Variants in CNBD1 observed in about 807,000 individuals in gnomAD.
The protein encoded by CNBD1 is cyclic nucleotide binding domain containing 1.
CNBD1 carries 71 observed loss-of-function variants against 54.4 expected under a neutral mutation model. The observed-to-expected ratio is 1.30, with a 90% CI of 1.08 to 1.59. CNBD1 has a LOEUF of 1.59. Ranked by LOEUF, CNBD1 falls within the 40% of genes most tolerant of loss-of-function variation. The probability of loss-of-function intolerance (pLI) is 0.00; values close to 1 mark genes in which losing one functional copy is unlikely to be tolerated. For missense variants in CNBD1, 659 were observed against 518.0 expected (o/e 1.27, Z -2.64); for synonymous variants, 182 against 170.7 (o/e 1.07, Z -0.51).
intron 6 of CNBD1, among the ~76,000 whole-genome samples, chr8:87,270,683 C>A (rs1216452970): frequency 1.3e-5 from 2 of 151,680 alleles, no homozygotes; most frequent in Admixed American, 1.3e-4. Context: ...CCTGTAGTTT[C>A]TTTATTTTTA....
At chr8:87,126,893 A>G (rs1179794879) in intron 4 of CNBD1, among the ~76,000 whole-genome samples, 2 of 151,900 alleles carry the variant, frequency 1.3e-5, no homozygotes, top group African/African-American at 4.8e-5. Flanking sequence ...TTGAAAAACT[A>G]TTATTTTCTC....
chr8:87,206,090 A>C lies in CNBD1; in HGVS notation c.529A>C (p.Thr177Pro). 6.2e-7 allele frequency: 1 copy of C among 1,604,190 alleles called. No homozygotes were observed. The highest frequency in any genetic ancestry group is 8.5e-7 in the Non-Finnish European group (1 of 1,175,418). ...TFQLNDKHLK[T>P]LSKTVFSETW... ...TCAGCTAAATGATAAGCATCTGAAAACACTTAGTAAGACTGTCTTTTCCGA... is the reference window on the plus strand; with the variant it reads ...TCAGCTAAATGATAAGCATCTGAAACCACTTAGTAAGACTGTCTTTTCCGA... The change falls in exon 5 of 11, where the codon ACA becomes CCA. Residue 177 changes from threonine (T) to proline (P), a missense_variant. By Grantham distance (38) the Thr-to-Pro change is conservative. Transcript: ENST00000518476.
chr8:86,892,150 A>C (rs766799400), intron 2 of CNBD1, among the ~76,000 whole-genome samples: 11 of 151,982 alleles, frequency 7.2e-5, no homozygotes, highest in Non-Finnish European at 1.6e-4. Context: ...CTTAGATGAA[A>C]AATTTTCAAC....
At chr8:87,277,397 T>C (rs969431553) in intron 6 of CNBD1, among the ~76,000 whole-genome samples, 1 of 151,744 alleles carries the variant, frequency 6.6e-6, no homozygotes, top group East Asian at 1.9e-4. Context: ...TCTTTACCAA[T>C]TTAAATCAGA....
At chr8:86,920,585 A>G (rs952768602) in intron 3 of CNBD1, among the ~76,000 whole-genome samples, 3 of 152,068 alleles carry the variant, frequency 2.0e-5, no homozygotes, top group Non-Finnish European at 4.4e-5. Flanking sequence ...TCCACTGGCT[A>G]CTCTCTAATA....
chr8:87,080,144 T>C (rs1022741354), intron 4 of CNBD1, among the ~76,000 whole-genome samples: 1 of 152,248 alleles, frequency 6.6e-6, no homozygotes, highest in Admixed American at 6.5e-5. Context: ...ACTTCATTTA[T>C]GTGTGTATCT....
Position 87,166,490 on chromosome 8 carries a change from A to G in CNBD1, c.432-39503A>G, listed in dbSNP as rs1413894771. Among the ~76,000 whole-genome samples, 2 of 151,864 alleles carry G rather than the reference A, an allele frequency of 1.3e-5. No individual in the cohort carries two copies. Among genetic ancestry groups the G allele is most frequent in the African/African-American group, 4.8e-5 (2 of 41,388 alleles). On this transcript the variant is annotated intron_variant, in intron 4 of 10. Coordinates refer to ENST00000518476, the MANE Select transcript of CNBD1 (RefSeq NM_173538.3). The surrounding 1 kb of genome is among the most constrained non-coding windows in gnomAD (Gnocchi z 4.3). ...AACTGATTTCATTTGTTGCCCCATTAATCTGTTTATTGACTTAGCATTGCT... is the reference window on the plus strand; with the variant it reads ...AACTGATTTCATTTGTTGCCCCATTGATCTGTTTATTGACTTAGCATTGCT...
intron 4 of CNBD1, among the ~76,000 whole-genome samples, chr8:86,997,380 G>A (rs577560120): frequency 1.3e-5 from 2 of 152,290 alleles, no homozygotes; most frequent in East Asian, 1.9e-4. Flanking sequence ...TACACTAGGA[G>A]GAAGTTGTCT....
chr8:87,369,598 T>C (rs1383890478), intron 10 of CNBD1, among the ~76,000 whole-genome samples: 1 of 152,026 alleles, frequency 6.6e-6, no homozygotes, highest in Non-Finnish European at 1.5e-5. Flanking sequence ...CTGATAGTCT[T>C]TTTCTTTCAG....
intron 2 of CNBD1, among the ~76,000 whole-genome samples, chr8:87,408,120 T>A (rs984500901): frequency 2.0e-5 from 3 of 152,092 alleles, no homozygotes; most frequent in Admixed American, 6.6e-5. Flanking sequence ...TCCCCTTTAG[T>A]TACATAATCT....
chr8:87,260,903 A>G (rs181091629), intron 6 of CNBD1, among the ~76,000 whole-genome samples: 2 of 152,090 alleles, frequency 1.3e-5, no homozygotes, highest in Admixed American at 1.3e-4. Flanking sequence ...TTTATCTAAA[A>G]TATTGGCTTT....
At chr8:86,930,626 C>G (rs766168145) in intron 3 of CNBD1, among the ~76,000 whole-genome samples, 11 of 152,080 alleles carry the variant, frequency 7.2e-5, no homozygotes, top group Non-Finnish European at 1.5e-4. Context: ...GAACAGTGAA[C>G]CATTCTGCTT....
At chr8:86,965,653 G>A (rs970904700) in intron 4 of CNBD1, among the ~76,000 whole-genome samples, 7 of 152,166 alleles carry the variant, frequency 4.6e-5, no homozygotes, top group African/African-American at 1.7e-4. Flanking sequence ...AATGTTACGG[G>A]ATCTTTGGGG....
chr8:87,322,754 T>G (rs951069822), intron 8 of CNBD1, among the ~76,000 whole-genome samples: 2 of 80,208 alleles, frequency 2.5e-5, no homozygotes, highest in African/African-American at 9.9e-5. Context: ...TGTTGTAGGT[T>G]GCCTGTTCAC....
intron 2 of CNBD1, among the ~76,000 whole-genome samples, chr8:87,413,021 G>T (rs796842838): frequency 6.6e-6 from 1 of 151,952 alleles, no homozygotes; most frequent in African/African-American, 2.4e-5. Context: ...AACAGAACTC[G>T]GGTTTAGGTC....
intron 4 of CNBD1, among the ~76,000 whole-genome samples, chr8:86,961,445 C>G (rs181719275): frequency 6.6e-6 from 1 of 152,234 alleles, no homozygotes; most frequent in African/African-American, 2.4e-5. Context: ...GCAATGCAAT[C>G]TTACTTTCCT....
chr8:87,233,216 C>T (rs1431909045), intron 5 of CNBD1, among the ~76,000 whole-genome samples: 2 of 152,118 alleles, frequency 1.3e-5, no homozygotes, highest in Non-Finnish European at 2.9e-5. Flanking sequence ...ATATGATTCT[C>T]CCATAATTAC....
At chr8:87,303,897 C>A in intron 8 of CNBD1, among the ~76,000 whole-genome samples, 1 of 152,170 alleles carries the variant, frequency 6.6e-6, no homozygotes. Context: ...TGCTCACCAT[C>A]ACTGGCCATC....
At chr8:87,396,187 C>T (rs958920024) in intron 2 of CNBD1, among the ~76,000 whole-genome samples, 1 of 151,904 alleles carries the variant, frequency 6.6e-6, no homozygotes, top group African/African-American at 2.4e-5. Flanking sequence ...GTGTTTTCCT[C>T]AATCTCATTC....
Sources: gnomAD v4.1 joint callset for allele counts (sites outside exome capture counted in the v4.1 genomes callset) on GRCh38, gnomAD v4.1.1 for gene constraint, Gnocchi (gnomAD v3.1) non-coding constraint, MANE v1.5 for transcripts, NCBI Gene and HGNC (gene_info 2026-07-23, HGNC 2026-07-21) for gene names.